The following MTFR2 variants were observed in gnomAD, a reference collection of about 807,000 sequenced individuals.
MTFR2 encodes the protein DUF729 domain-containing protein 1.
A neutral mutation model predicts 41.2 loss-of-function variants in MTFR2; 44 were observed. The ratio of observed to expected loss-of-function variants is 1.07; its 90% CI spans 0.84 to 1.37. MTFR2 has a LOEUF of 1.37. Among genes scored for constraint, MTFR2 ranks in the 40% most tolerant of loss-of-function variants. The probability of loss-of-function intolerance (pLI) is 0.00; values close to 1 mark genes in which losing one functional copy is unlikely to be tolerated. For synonymous variants in MTFR2, 141 were observed against 154.6 expected (o/e 0.91, Z 0.65); for missense variants, 452 against 459.5 (o/e 0.98, Z 0.15).
intron 5 of MTFR2, among the ~76,000 whole-genome samples, chr6:136,240,918 C>G (rs185426132): frequency 1.4e-5 from 2 of 147,332 alleles, no homozygotes; most frequent in East Asian, 3.9e-4. Context: ...GGTGAAACCC[C>G]GTCTCTACTA....
At chr6:136,239,321 G>C in intron 6 of MTFR2, 145 bp downstream of exon 6, 1 of 542,732 alleles carries the variant, frequency 1.8e-6, no homozygotes, top group Non-Finnish European at 3.1e-6. Context: ...AAAAATAATT[G>C]AATGTCATTA....
intron 2 of MTFR2, among the ~76,000 whole-genome samples, chr6:136,246,445 G>C (rs1341714467): frequency 6.6e-6 from 1 of 151,962 alleles, no homozygotes; most frequent in African/African-American, 2.4e-5. Context: ...ACCATGCCTG[G>C]TTAATTTTTA....
rs1323402416 is a variant in MTFR2, at chr6:136,231,674, A to G, written c.1045-286T>C. 2.4e-4 allele frequency among the ~76,000 whole-genome samples: 36 copies of G among 147,268 alleles called. No individual in the cohort carries two copies. In the South Asian group the frequency reaches 7.1e-3, roughly 29 times the overall value. The stretch of plus-strand genomic sequence containing the variant: ...ATTAAGTGCTAAAAACTATGTAAAA[A>G]AAAAAAAAAAAAAAAAAAGAAGATT... On this transcript the variant is annotated intron_variant, in intron 7 of 7. Transcript: ENST00000420702.
chr6:136,240,913 A>G (rs1780044615), intron 5 of MTFR2, among the ~76,000 whole-genome samples: 1 of 152,122 alleles, frequency 6.6e-6, no homozygotes, highest in African/African-American at 2.4e-5. Flanking sequence ...AACACGGTGA[A>G]ACCCCGTCTC....
intron 6 of MTFR2, among the ~76,000 whole-genome samples, chr6:136,238,164 T>C (rs1358571657): frequency 6.6e-6 from 1 of 152,196 alleles, no homozygotes; most frequent in African/African-American, 2.4e-5. Context: ...CTATTTACAA[T>C]AGACAAGACA....
chr6:136,245,811 T>G (rs565064829), intron 2 of MTFR2, among the ~76,000 whole-genome samples: 2 of 152,312 alleles, frequency 1.3e-5, no homozygotes, highest in South Asian at 4.1e-4. Context: ...TGAGTGATGC[T>G]CAACCGATAA....
At chr6:136,243,499 G>C (rs908102206) in intron 3 of MTFR2, among the ~76,000 whole-genome samples, 1 of 152,010 alleles carries the variant, frequency 6.6e-6, no homozygotes, top group Non-Finnish European at 1.5e-5. Flanking sequence ...TTAAGGCCAG[G>C]AGTTCAAGAT....
chr6:136,239,822 TACAA>T lies in MTFR2; in HGVS notation c.515-6_515-3del, dbSNP rs754614029. On this transcript the variant is annotated splice_region_variant and splice_polypyrimidine_tract_variant and intron_variant, in intron 5 of 7. Transcript: ENST00000420702. ...GCTCGTCACTCAAGCCAAAGGAACC[TACAA>T]ACAAAGTGGTTTATTACAAAATCAT... 23 of 1,594,176 alleles carry T rather than the reference TACAA, an allele frequency of 1.4e-5. No homozygotes were observed. The highest frequency in any genetic ancestry group is 5.4e-5 in the African/African-American group (4 of 73,884).
Position 136,237,435 on chromosome 6 carries a change from T to C in MTFR2, c.869+2031A>G, listed in dbSNP as rs146385265. Among the ~76,000 whole-genome samples the C allele has an allele frequency of 1.4e-3, 207 of 152,316 alleles. 1 individual carries two copies. The highest frequency in any genetic ancestry group is 4.6e-3 in the African/African-American group (190 of 41,574). ...GAAACTTAAAACAAACCTACACTTT[T>C]AATACTGTCAGTGGGATAAGACCAA... On this transcript the variant is annotated intron_variant, in intron 6 of 7. Coordinates refer to ENST00000420702, the MANE Select transcript of MTFR2 (RefSeq NM_001099286.3).
At chr6:136,234,571 C>T (rs879443055) in intron 6 of MTFR2, among the ~76,000 whole-genome samples, 19 of 152,044 alleles carry the variant, frequency 1.2e-4, no homozygotes, top group Non-Finnish European at 2.2e-4. Context: ...AGGAGCTCAG[C>T]GAGAGAAGTG....
intron 5 of MTFR2, among the ~76,000 whole-genome samples, chr6:136,240,873 C>T (rs544079508): frequency 8.5e-4 from 130 of 152,242 alleles, no homozygotes; most frequent in African/African-American, 9.4e-4. Flanking sequence ...GGGCAGATCA[C>T]GAGGTCAGGA....
intron 6 of MTFR2, among the ~76,000 whole-genome samples, chr6:136,237,768 A>G (rs995019438): frequency 1.3e-5 from 2 of 152,030 alleles, no homozygotes; most frequent in African/African-American, 4.8e-5. Flanking sequence ...GTGAGCCAAG[A>G]TCATGCCACT....
chr6:136,241,055 C>T (rs1022671806), intron 5 of MTFR2, among the ~76,000 whole-genome samples: 3 of 149,640 alleles, frequency 2.0e-5, no homozygotes, highest in Admixed American at 6.7e-5. Context: ...CGTGCCACTG[C>T]ACTCCAGCCT....
Position 136,239,743 on chromosome 6 carries a change from G to T in MTFR2, c.592C>A (p.Pro198Thr). The T allele has an allele frequency of 6.2e-7, 1 of 1,614,012 alleles. No individual in the cohort carries two copies. The highest frequency in any genetic ancestry group is 8.5e-7 in the Non-Finnish European group (1 of 1,179,992). ...AGCACTGAACCTGGAAGCTGATCTG[G>T]GTCCACACTCAGATGGGCAGCCCGC... ...SSRAAHLSVD[P>T]DQLPGSVLSP... The change falls in exon 6 of 8, where the codon CCA (proline) becomes ACA (threonine). Residue 198 changes from proline (P) to threonine (T), a missense_variant. Pro to Thr is a conservative substitution (Grantham distance 38). Transcript: ENST00000420702.
chr6:136,232,643 A>G (rs1391284731), intron 7 of MTFR2, among the ~76,000 whole-genome samples: 3 of 152,124 alleles, frequency 2.0e-5, no homozygotes, highest in Non-Finnish European at 4.4e-5. Context: ...CTGACTTTAG[A>G]TGCTGTTCCT....
At chr6:136,244,931 G>T in intron 2 of MTFR2, 62 bp from the exon 3 acceptor site, 1 of 1,220,324 alleles carries the variant, frequency 8.2e-7, no homozygotes, top group Non-Finnish European at 1.1e-6. Context: ...ATATAAGTAT[G>T]AAAAAAGGAG....
At chr6:136,248,969 A>T (rs749839234) in intron 2 of MTFR2, 68 bp downstream of exon 2, 3 of 1,368,558 alleles carry the variant, frequency 2.2e-6, no homozygotes, top group Admixed American at 4.2e-5. Flanking sequence ...GATTACATAT[A>T]AGTCATTTTC....
intron 7 of MTFR2, 21 bp downstream of exon 7, chr6:136,233,304 T>C: frequency 6.2e-7 from 1 of 1,600,440 alleles, no homozygotes; most frequent in Non-Finnish European, 8.5e-7. Context: ...GAAAAATTAA[T>C]TTTACATTAG....
chr6:136,239,430 A>G (rs1274352799), intron 6 of MTFR2, 36 bp downstream of exon 6: 10 of 1,497,454 alleles, frequency 6.7e-6, no homozygotes, highest in Non-Finnish European at 9.0e-6. Flanking sequence ...AAAATTGACA[A>G]AATTTCAGTT....
Sources: gnomAD v4.1 joint callset for allele counts (sites outside exome capture counted in the v4.1 genomes callset) on GRCh38, gnomAD v4.1.1 for gene constraint, MANE v1.5 for transcripts, NCBI Gene and HGNC (gene_info 2026-07-23, HGNC 2026-07-21) for gene names.